HACD2: variants seen among roughly 807,000 people sequenced by gnomAD.
The protein encoded by HACD2 is very-long-chain (3R)-3-hydroxyacyl-CoA dehydratase 2.
In HACD2, 15 loss-of-function variants were observed where a neutral mutation model predicts 31.0. The ratio of observed to expected loss-of-function variants is 0.48; its 90% CI spans 0.32 to 0.75. HACD2 has a LOEUF of 0.75. Ranked by LOEUF, HACD2 falls within the 30% of genes least tolerant of loss-of-function variation. HACD2 has a pLI of 0.03. For missense variants in HACD2, 283 were observed against 313.0 expected (o/e 0.90, Z 0.72); for synonymous variants, 115 against 122.2 (o/e 0.94, Z 0.39).
chr3:123,556,981 G>A (rs1022896529), intron 3 of HACD2, among the ~76,000 whole-genome samples: 3 of 152,224 alleles, frequency 2.0e-5, no homozygotes, highest in African/African-American at 7.2e-5. Flanking sequence ...CTCCGCAAAA[G>A]ATACTGTAAA....
At chr3:123,510,228 T>C (rs2056039043) in intron 4 of HACD2, among the ~76,000 whole-genome samples, 1 of 152,148 alleles carries the variant, frequency 6.6e-6, no homozygotes, top group Admixed American at 6.5e-5. Flanking sequence ...AGGTACCTCA[T>C]ATAAGTGGAA....
In HACD2 at chr3:123,494,734, C is replaced by A; in HGVS notation, c.*154G>T. The stretch of plus-strand genomic sequence containing the variant: ...CTTTTTCTAAAATAAAATCTCAGGC[C>A]CATGTGACACTGGATTTTTGTTTTA... On this transcript the variant is annotated 3_prime_UTR_variant, in exon 7 of 7. Coordinates refer to ENST00000383657, the MANE Select transcript of HACD2 (RefSeq NM_198402.5). 1.5e-6 allele frequency: 1 copy of A among 655,218 alleles called. No homozygotes were observed. Among genetic ancestry groups the A allele is most frequent in the South Asian group, 1.8e-5 (1 of 57,126 alleles). The allele number at this position is 655,218 out of a possible 1,614,324, so 40.6% of individuals were successfully genotyped here. A position where few individuals can be genotyped will look rare whatever the true frequency, so the allele number is the denominator to read the frequency against.
At chr3:123,545,715 A>AT (rs1156885967) in intron 3 of HACD2, among the ~76,000 whole-genome samples, 191 of 141,846 alleles carry the variant, frequency 1.3e-3, no homozygotes, top group Middle Eastern at 3.6e-3. Flanking sequence ...TAATAATAAG[A>AT]TTTTTTTTTT....
intron 3 of HACD2, among the ~76,000 whole-genome samples, chr3:123,556,689 G>A (rs924359745): frequency 1.3e-5 from 2 of 152,112 alleles, no homozygotes; most frequent in African/African-American, 2.4e-5. Context: ...CCCAGAGCAA[G>A]AGAAAATATT....
At chr3:123,532,884 C>T (rs1015098146) in intron 3 of HACD2, among the ~76,000 whole-genome samples, 1 of 148,842 alleles carries the variant, frequency 6.7e-6, no homozygotes, top group Non-Finnish European at 1.5e-5. Context: ...ATTAATATTA[C>T]CTTATTTGCC....
chr3:123,518,880 C>A (rs2056177959), intron 4 of HACD2, among the ~76,000 whole-genome samples: 1 of 151,634 alleles, frequency 6.6e-6, no homozygotes, highest in Non-Finnish European at 1.5e-5. Flanking sequence ...CCTGTAAGTC[C>A]CAGCTCCTAG....
chr3:123,535,930 T>C (rs2056420167), intron 3 of HACD2, among the ~76,000 whole-genome samples: 1 of 152,224 alleles, frequency 6.6e-6, no homozygotes, highest in African/African-American at 2.4e-5. Context: ...CCCAATCCCA[T>C]CACTACCCAG....
At chr3:123,527,070 A>G (rs544359112) in intron 4 of HACD2, among the ~76,000 whole-genome samples, 1 of 152,370 alleles carries the variant, frequency 6.6e-6, no homozygotes, top group African/African-American at 2.4e-5. Flanking sequence ...CTTTGACTTC[A>G]TGTACCTAGC....
chr3:123,558,906 A>G (rs941423577), intron 3 of HACD2, among the ~76,000 whole-genome samples: 1 of 152,212 alleles, frequency 6.6e-6, no homozygotes, highest in Non-Finnish European at 1.5e-5. Flanking sequence ...TCAGACTATC[A>G]CAAACCATCG....
chr3:123,553,424 A>G (rs1456788322), intron 3 of HACD2, among the ~76,000 whole-genome samples: 2 of 152,244 alleles, frequency 1.3e-5, no homozygotes, highest in Non-Finnish European at 2.9e-5. Context: ...AAAAGTCTTA[A>G]ACATGGATGG....
chr3:123,564,038 T>G (rs1448384935), intron 3 of HACD2, among the ~76,000 whole-genome samples: 1 of 152,212 alleles, frequency 6.6e-6, no homozygotes. Context: ...ACCTGATGAC[T>G]GCCTGGCTAC....
chr3:123,500,207 T>G (rs1054293246), intron 6 of HACD2, among the ~76,000 whole-genome samples: 15 of 152,212 alleles, frequency 9.9e-5, no homozygotes, highest in African/African-American at 2.7e-4. Context: ...GTAAGGCCTT[T>G]AATGGCTTTT....
intron 3 of HACD2, among the ~76,000 whole-genome samples, chr3:123,531,846 T>C (rs2056365599): frequency 1.3e-5 from 2 of 152,236 alleles, no homozygotes. Flanking sequence ...ATTCTCCTTC[T>C]GTGGGACATT....
intron 3 of HACD2, chr3:123,543,840 A>T (rs369098378): frequency 1.6e-5 from 3 of 186,760 alleles, no homozygotes. Flanking sequence ...TGCTATATTT[A>T]TAATTTATTT....
At chr3:123,534,541 A>G (rs558733536) in intron 3 of HACD2, among the ~76,000 whole-genome samples, 2 of 152,314 alleles carry the variant, frequency 1.3e-5, no homozygotes, top group South Asian at 4.1e-4. Context: ...ATACTTGATA[A>G]TAAACGACTA....
intron 3 of HACD2, among the ~76,000 whole-genome samples, chr3:123,534,706 T>C (rs1280579218): frequency 1.3e-5 from 2 of 151,928 alleles, no homozygotes; most frequent in Non-Finnish European, 2.9e-5. Context: ...CAGCTCCATG[T>C]GTGTTAGTGC....
chr3:123,545,882 T>C (rs754831513), intron 3 of HACD2, among the ~76,000 whole-genome samples: 18 of 151,970 alleles, frequency 1.2e-4, no homozygotes, highest in African/African-American at 1.7e-4. Flanking sequence ...CAGCTAACTT[T>C]TGTATTTTAG....
At chr3:123,577,600 G>A (rs1194509506) in intron 2 of HACD2, among the ~76,000 whole-genome samples, 3 of 143,394 alleles carry the variant, frequency 2.1e-5, no homozygotes, top group Admixed American at 1.4e-4. Context: ...CAGCCTGGGC[G>A]ATGGAGTGAG....
intron 3 of HACD2, among the ~76,000 whole-genome samples, chr3:123,557,421 G>A (rs942414525): frequency 3.3e-5 from 5 of 152,298 alleles, no homozygotes; most frequent in Admixed American, 1.3e-4. Context: ...TGAGGTGGGA[G>A]GGTCACTTGA....
Sources: gnomAD v4.1 joint callset for allele counts (sites outside exome capture counted in the v4.1 genomes callset) on GRCh38, gnomAD v4.1.1 for gene constraint, MANE v1.5 for transcripts, NCBI Gene and HGNC (gene_info 2026-07-23, HGNC 2026-07-21) for gene names.